Variants in SLCO5A1 observed in about 807,000 individuals in gnomAD.
SLCO5A1 encodes the protein organic anion transporter polypeptide-related protein 4.
In SLCO5A1, 39 loss-of-function variants were observed where a neutral mutation model predicts 65.1. The observed-to-expected ratio is 0.60, with a 90% CI of 0.46 to 0.78. The LOEUF is 0.78. Ranked by LOEUF, SLCO5A1 falls within the 30% of genes least tolerant of loss-of-function variation. The probability of loss-of-function intolerance (pLI) is 0.00; values close to 1 mark genes in which losing one functional copy is unlikely to be tolerated. For missense variants in SLCO5A1, 1,029 were observed against 1,069.4 expected (o/e 0.96, Z 0.53); for synonymous variants, 438 against 415.7 (o/e 1.05, Z -0.65).
intron 7 of SLCO5A1, among the ~76,000 whole-genome samples, chr8:69,680,413 A>G (rs10089960): frequency 0.62 from 93,689 of 152,076 alleles, 30,134 homozygotes; most frequent in African/African-American, 0.81. Context: ...GCATTAATTC[A>G]CTTAGGATAA....
At chr8:69,819,980 A>G (rs559063261) in intron 2 of SLCO5A1, among the ~76,000 whole-genome samples, 16 of 152,222 alleles carry the variant, frequency 1.1e-4, no homozygotes, top group Admixed American at 2.0e-4. Flanking sequence ...AAACAAAACA[A>G]AACAGTTCTG....
chr8:69,735,717 G>A (rs1014344981), intron 5 of SLCO5A1, among the ~76,000 whole-genome samples: 1 of 123,792 alleles, frequency 8.1e-6, no homozygotes, highest in African/African-American at 4.0e-5. Flanking sequence ...TAATGCATGT[G>A]GGGCTTAATA....
chr8:69,750,802 A>G (rs527693613), intron 4 of SLCO5A1, among the ~76,000 whole-genome samples: 18 of 152,146 alleles, frequency 1.2e-4, no homozygotes, highest in African/African-American at 4.1e-4. Context: ...ATACATTTCC[A>G]TCTGTATTTG....
chr8:69,747,259 T>C lies in SLCO5A1; in HGVS notation c.1258+8165A>G, dbSNP rs576777952. Among the ~76,000 whole-genome samples the C allele has an allele frequency of 2.0e-5, 3 of 152,248 alleles. No individual in the cohort carries two copies. In the East Asian group the frequency reaches 5.8e-4, roughly 29 times the overall value. On this transcript the variant is annotated intron_variant, in intron 4 of 9. Transcript: ENST00000260126. ...ACTCAGACATCTCTATAAGTTAAAA[T>C]CCCATGGGTGCAAATTATTGAACAG...
Position 69,826,828 on chromosome 8 carries a change from C to T in SLCO5A1, c.907+4939G>A, listed in dbSNP as rs1019308580. On this transcript the variant is annotated intron_variant, in intron 2 of 9. Transcript: ENST00000260126. ...ACCCAAAGGACTGTAAATCATGCTG[C>T]TATAAAGACACATGCACATGTATGT... Among the ~76,000 whole-genome samples the T allele has an allele frequency of 4.6e-5, 7 of 152,230 alleles. No homozygotes were observed. In the East Asian group the frequency reaches 1.2e-3, roughly 25 times the overall value.
At chr8:69,750,058 G>A (rs1346735749) in intron 4 of SLCO5A1, among the ~76,000 whole-genome samples, 2 of 152,152 alleles carry the variant, frequency 1.3e-5, no homozygotes, top group African/African-American at 4.8e-5. Flanking sequence ...AGCCCAGTGG[G>A]GCTGAAGCAG....
intron 2 of SLCO5A1, among the ~76,000 whole-genome samples, chr8:69,800,876 T>C (rs1438741346): frequency 6.6e-6 from 1 of 152,150 alleles, no homozygotes; most frequent in Non-Finnish European, 1.5e-5. Context: ...CTTGCAGAAC[T>C]ACATGGGACT....
intron 8 of SLCO5A1, among the ~76,000 whole-genome samples, chr8:69,678,047 C>T (rs541306428): frequency 2.0e-5 from 3 of 152,184 alleles, no homozygotes; most frequent in Admixed American, 1.3e-4. Context: ...AATATCAACA[C>T]ACCGATGTGA....
At chr8:69,798,117 A>G (rs1049177684) in intron 2 of SLCO5A1, among the ~76,000 whole-genome samples, 1 of 152,120 alleles carries the variant, frequency 6.6e-6, no homozygotes, top group African/African-American at 2.4e-5. Flanking sequence ...AAGAACCTAC[A>G]TGAAATATCG....
chr8:69,813,054 A>C (rs1331053871), intron 2 of SLCO5A1, among the ~76,000 whole-genome samples: 2 of 148,410 alleles, frequency 1.3e-5, no homozygotes, highest in East Asian at 1.9e-4. Context: ...TATCTTTCCC[A>C]AAAAAATGTA....
intron 2 of SLCO5A1, among the ~76,000 whole-genome samples, chr8:69,811,804 G>A (rs1820216103): frequency 6.6e-6 from 1 of 152,202 alleles, no homozygotes; most frequent in Non-Finnish European, 1.5e-5. Context: ...CCTGGGCATT[G>A]GCCCACATGA....
chr8:69,715,876 T>A (rs2380582), intron 5 of SLCO5A1, among the ~76,000 whole-genome samples: 79,347 of 151,952 alleles, frequency 0.52, 21,429 homozygotes, highest in Middle Eastern at 0.61. Context: ...TACAGTTTAA[T>A]GTTTTTAGTA....
intron 4 of SLCO5A1, among the ~76,000 whole-genome samples, chr8:69,749,384 CGA>C: frequency 6.6e-6 from 1 of 152,010 alleles, no homozygotes; most frequent in Non-Finnish European, 1.5e-5. Context: ...TTTGGGAGGC[CGA>C]GGCAATGGAT....
At chr8:69,733,552 A>C (rs1439358133) in intron 5 of SLCO5A1, among the ~76,000 whole-genome samples, 1 of 152,182 alleles carries the variant, frequency 6.6e-6, no homozygotes, top group African/African-American at 2.4e-5. Context: ...GTCCCCACTC[A>C]AATCTCATCT....
intron 6 of SLCO5A1, among the ~76,000 whole-genome samples, chr8:69,695,647 T>C (rs1171044786): frequency 6.6e-6 from 1 of 152,108 alleles, no homozygotes; most frequent in African/African-American, 2.4e-5. Context: ...GAACTTTAAT[T>C]ATGCTTGTAA....
chr8:69,723,148 TAAC>T (rs1441242180), intron 5 of SLCO5A1, among the ~76,000 whole-genome samples: 3 of 152,220 alleles, frequency 2.0e-5, no homozygotes, highest in Non-Finnish European at 4.4e-5. Context: ...TTGTTTTGCA[TAAC>T]ATTAAAACTA....
intron 2 of SLCO5A1, among the ~76,000 whole-genome samples, chr8:69,772,563 AGAAAGGAAAGGAAAGGAAAGGAAAG>A (rs1189559614): frequency 3.1e-3 from 108 of 35,340 alleles, no homozygotes; most frequent in African/African-American, 4.5e-3. Context: ...GGGAGGGAGG[AGAAAGGAAAGGAAAGGAAAGGAAAG>A]GAAAGGAAAG....
intron 1 of SLCO5A1, chr8:69,834,203 C>G (rs1256847313): frequency 6.5e-6 from 1 of 153,144 alleles, no homozygotes; most frequent in Non-Finnish European, 1.5e-5. Flanking sequence ...GGTGTGCCCC[C>G]GTGGTAAGAC....
At chr8:69,687,943 C>T (rs1261036959) in intron 6 of SLCO5A1, among the ~76,000 whole-genome samples, 1 of 151,912 alleles carries the variant, frequency 6.6e-6, no homozygotes, top group East Asian at 1.9e-4. Context: ...TAATGATACT[C>T]ATAGGCATTT....
Sources: allele counts gnomAD v4.1 joint callset (sites outside exome capture counted in the v4.1 genomes callset), GRCh38; gene constraint gnomAD v4.1.1; transcripts MANE v1.5; gene names NCBI Gene and HGNC (gene_info 2026-07-23, HGNC 2026-07-21).